Variants in ASIC2 observed in about 807,000 individuals in gnomAD.
ASIC2 encodes acid-sensing ion channel 2.
In ASIC2, 25 loss-of-function variants were observed where a neutral mutation model predicts 57.3. The ratio of observed to expected loss-of-function variants is 0.44; its 90% CI spans 0.32 to 0.61. The LOEUF (loss-of-function observed/expected upper bound fraction) is 0.61, where lower values mean the gene tolerates loss of function less well. Ranked by LOEUF, ASIC2 falls within the 20% of genes least tolerant of loss-of-function variation. ASIC2 has a pLI of 0.06. For missense variants in ASIC2, 641 were observed against 738.1 expected, an observed-to-expected ratio of 0.87 and a Z score of 1.52; for synonymous variants, 319 against 307.5, an observed-to-expected ratio of 1.04 and a Z score of -0.39.
intron 1 of ASIC2, among the ~76,000 whole-genome samples, chr17:34,047,373 C>T (rs1342781551): frequency 6.6e-6 from 1 of 152,070 alleles, no homozygotes; most frequent in African/African-American, 2.4e-5. Flanking sequence ...CCTCATTTCA[C>T]AATGTCCCAA....
intron 1 of ASIC2, among the ~76,000 whole-genome samples, chr17:33,352,386 C>G (rs542159409): frequency 6.6e-6 from 1 of 152,120 alleles, no homozygotes; most frequent in South Asian, 2.1e-4. Flanking sequence ...CCATTACCCC[C>G]CAAGGCTGCC....
At chr17:33,528,837 G>A (rs180856857) in intron 1 of ASIC2, among the ~76,000 whole-genome samples, 28 of 152,262 alleles carry the variant, frequency 1.8e-4, no homozygotes, top group Admixed American at 6.5e-4. Flanking sequence ...CCAGCAACTC[G>A]TCACGAAGGT....
chr17:34,052,278 C>T lies in ASIC2; in HGVS notation c.555+103700G>A, dbSNP rs1395393011. On this transcript the variant is annotated intron_variant, in intron 1 of 9. Transcript: ENST00000359872. ...GAAACATTTGAAATCGTACTACTGC[C>T]CCCACATACGGCATTTAGTGCCACC... is the stretch of plus-strand genomic sequence containing the variant. Among the ~76,000 whole-genome samples, 5 of 152,142 alleles carry T rather than the reference C, an allele frequency of 3.3e-5. No individual in the cohort carries two copies. The East Asian group carries it at 9.6e-4, about 29-fold the overall frequency.
At chr17:33,898,166 A>G (rs1192268826) in intron 1 of ASIC2, among the ~76,000 whole-genome samples, 3 of 148,062 alleles carry the variant, frequency 2.0e-5, no homozygotes, top group Non-Finnish European at 4.5e-5. Flanking sequence ...TTTATTTGGA[A>G]TAATTTTAGA....
intron 1 of ASIC2, among the ~76,000 whole-genome samples, chr17:34,058,688 G>T (rs564696803): frequency 1.8e-5 from 2 of 113,800 alleles, no homozygotes; most frequent in Non-Finnish European, 3.3e-5. Flanking sequence ...TTAGGGAACA[G>T]AAATGTGGAT....
chr17:33,401,403 C>T (rs1009751839), intron 1 of ASIC2, among the ~76,000 whole-genome samples: 4 of 152,270 alleles, frequency 2.6e-5, no homozygotes, highest in African/African-American at 7.2e-5. Flanking sequence ...TCTTCCATCC[C>T]TTCCTTTGCC....
chr17:33,610,645 G>T (rs1905375267), intron 1 of ASIC2, among the ~76,000 whole-genome samples: 1 of 152,022 alleles, frequency 6.6e-6, no homozygotes. Flanking sequence ...GGGAGGATCA[G>T]TTGAGCCCAG....
intron 1 of ASIC2, among the ~76,000 whole-genome samples, chr17:33,685,237 A>G (rs574885737): frequency 6.6e-6 from 1 of 152,030 alleles, no homozygotes; most frequent in Non-Finnish European, 1.5e-5. Flanking sequence ...GTAGAAACCA[A>G]TCCTTCACCC....
chr17:33,487,900 T>C (rs181186087), intron 1 of ASIC2, among the ~76,000 whole-genome samples: 93 of 152,324 alleles, frequency 6.1e-4, no homozygotes, highest in African/African-American at 2.2e-3. Flanking sequence ...GGCAAAAGAC[T>C]GAAGGATGCA....
At chr17:34,130,938 G>T (rs1032481239) in intron 1 of ASIC2, among the ~76,000 whole-genome samples, 1 of 152,236 alleles carries the variant, frequency 6.6e-6, no homozygotes, top group Non-Finnish European at 1.5e-5. Flanking sequence ...AAGTATTTAA[G>T]GAATGAGTAC....
At chr17:33,185,313 C>A (rs1371469644) in intron 1 of ASIC2, among the ~76,000 whole-genome samples, 1 of 152,144 alleles carries the variant, frequency 6.6e-6, no homozygotes, top group Non-Finnish European at 1.5e-5. Flanking sequence ...TCAAAACCAG[C>A]ACTCCAGCCT....
At chr17:33,748,848 G>A (rs1049160865) in intron 1 of ASIC2, among the ~76,000 whole-genome samples, 3 of 152,242 alleles carry the variant, frequency 2.0e-5, no homozygotes, top group Non-Finnish European at 2.9e-5. Context: ...TCTGTGGAAC[G>A]CATGCATGCG....
At chr17:33,506,112 A>T (rs1331901972) in intron 1 of ASIC2, among the ~76,000 whole-genome samples, 1 of 152,046 alleles carries the variant, frequency 6.6e-6, no homozygotes, top group Non-Finnish European at 1.5e-5. Flanking sequence ...GAGGCTGGAC[A>T]GGCTGGGTGT....
intron 1 of ASIC2, among the ~76,000 whole-genome samples, chr17:33,693,735 A>AG (rs1037748544): frequency 6.6e-6 from 1 of 152,172 alleles, no homozygotes; most frequent in Non-Finnish European, 1.5e-5. Flanking sequence ...GCGTACTTTG[A>AG]GGGGCTATAA....
chr17:33,329,425 G>A (rs1389232165), intron 1 of ASIC2, among the ~76,000 whole-genome samples: 1 of 152,156 alleles, frequency 6.6e-6, no homozygotes, highest in African/African-American at 2.4e-5. Context: ...CAGGGGATAA[G>A]GAGGCCTGAG....
At chr17:33,540,220 C>T (rs1163807755) in intron 1 of ASIC2, among the ~76,000 whole-genome samples, 3 of 152,170 alleles carry the variant, frequency 2.0e-5, no homozygotes, top group Admixed American at 2.0e-4. Flanking sequence ...TGTGTATCTT[C>T]ACATCCTCTT....
chr17:33,506,729 G>A (rs189929339), intron 1 of ASIC2, among the ~76,000 whole-genome samples: 7 of 152,160 alleles, frequency 4.6e-5, no homozygotes, highest in African/African-American at 1.2e-4. Flanking sequence ...TAAGCTCATC[G>A]ATCTCTCGGA....
intron 1 of ASIC2, among the ~76,000 whole-genome samples, chr17:33,788,135 T>C (rs936624436): frequency 2.0e-5 from 3 of 152,044 alleles, no homozygotes; most frequent in African/African-American, 7.2e-5. Context: ...ACCTACAGAA[T>C]GGGACAAAAT....
intron 1 of ASIC2, among the ~76,000 whole-genome samples, chr17:34,097,667 G>A (rs541547819): frequency 1.3e-5 from 2 of 152,100 alleles, no homozygotes; most frequent in African/African-American, 4.8e-5. Context: ...TTTTTTTGTG[G>A]TTTTTTAAAG....
Sources: gnomAD v4.1 joint callset for allele counts (sites outside exome capture counted in the v4.1 genomes callset) on GRCh38, gnomAD v4.1.1 for gene constraint, MANE v1.5 for transcripts, NCBI Gene and HGNC (gene_info 2026-07-23, HGNC 2026-07-21) for gene names.